TBC1D9B: variants seen among roughly 807,000 people sequenced by gnomAD.
The protein encoded by TBC1D9B is TBC1 domain family, member 9B (with GRAM domain).
In TBC1D9B, 87 loss-of-function variants were observed where a neutral mutation model predicts 121.1. The observed-to-expected ratio is 0.72, with a 90% CI of 0.60 to 0.86. TBC1D9B has a LOEUF of 0.86. Ranked by LOEUF, TBC1D9B falls within the 40% of genes least tolerant of loss-of-function variation. The pLI is 0.00. For missense variants in TBC1D9B, 1,540 were observed against 1,628.6 expected, an observed-to-expected ratio of 0.95 and a Z score of 0.94; for synonymous variants, 668 against 670.1, an observed-to-expected ratio of 1.00 and a Z score of 0.05.
At chr5:179,903,803 C>T (rs1761227366) in intron 2 of TBC1D9B, among the ~76,000 whole-genome samples, 2 of 152,242 alleles carry the variant, frequency 1.3e-5, no homozygotes, top group Non-Finnish European at 2.9e-5. Flanking sequence ...GCCAAGTCAT[C>T]AGCAACGAGC....
chr5:179,891,892 G>A lies in TBC1D9B; in HGVS notation c.837-306C>T, dbSNP rs975987092. ...CTGGGCAATGTGCAACCCATCCCTC[G>A]GTACTGATGGGCAAGCAGAGCCCAG... On this transcript the variant is annotated intron_variant, in intron 5 of 20. Coordinates refer to ENST00000355235, the MANE Select transcript of TBC1D9B (RefSeq NM_015043.4). The surrounding 1 kb of genome is among the most constrained non-coding windows in gnomAD (Gnocchi z 4.3). 6.6e-6 allele frequency among the ~76,000 whole-genome samples: 1 copy of A among 152,134 alleles called. No individual in the cohort carries two copies. Among genetic ancestry groups the A allele is most frequent in the African/African-American group, 2.4e-5 (1 of 41,434 alleles).
chr5:179,879,125 G>A lies in TBC1D9B; in HGVS notation c.1489C>T (p.Arg497Cys), dbSNP rs763335279. ...ACCAGTGCCCGCGTCTTGGCTGTGC[G>A]GTACATGCACACGCCACGCCCGTAC... ...FEYGRGVCMY[R>C]TAKTRALVLK... The change falls in exon 9 of 21, where the codon CGC becomes TGC. Residue 497 changes from arginine (R) to cysteine (C), a missense_variant. By Grantham distance (180) the Arg-to-Cys change is radical (BLOSUM62 -3). Transcript: ENST00000355235. 12 of 1,607,832 alleles carry A rather than the reference G, an allele frequency of 7.5e-6. No individual in the cohort carries two copies. The highest frequency in any genetic ancestry group is 6.7e-5 in the Admixed American group (4 of 59,920).
At chr5:179,894,943 G>A (rs1760979655) in intron 3 of TBC1D9B, among the ~76,000 whole-genome samples, 1 of 152,194 alleles carries the variant, frequency 6.6e-6, no homozygotes, top group Non-Finnish European at 1.5e-5. Context: ...GCTCACTGTA[G>A]CCTCAACCCA....
chr5:179,865,755 GGC>G lies in TBC1D9B; in HGVS notation c.2914+81_2914+82del. The G allele has an allele frequency of 8.2e-6, 12 of 1,461,074 alleles. No individual in the cohort carries two copies. Among genetic ancestry groups the G allele is most frequent in the Non-Finnish European group, 1.0e-5 (11 of 1,076,760 alleles). The allele number at this position is 1,461,074 out of a possible 1,614,324, so 90.5% of individuals were successfully genotyped here. On this transcript the variant is annotated intron_variant, in intron 19 of 20. Coordinates refer to ENST00000355235, the MANE Select transcript of TBC1D9B (RefSeq NM_015043.4). The surrounding 1 kb of genome is among the most constrained non-coding windows in gnomAD (Gnocchi z 5.1). ...CATCTCCCGGGGTAGGGGGCTCCCT[GGC>G]AGTGACTGGGGAAAAGACCAGCAAG...
At chr5:179,886,628 T>C (rs1057466229) in intron 7 of TBC1D9B, among the ~76,000 whole-genome samples, 106 of 152,336 alleles carry the variant, frequency 7.0e-4, no homozygotes, top group African/African-American at 2.5e-3. Context: ...GCAGACAATG[T>C]AAAGGTCTGC....
At chr5:179,903,366 AC>A (rs1761215635) in intron 2 of TBC1D9B, among the ~76,000 whole-genome samples, 1 of 152,222 alleles carries the variant, frequency 6.6e-6, no homozygotes, top group African/African-American at 2.4e-5. Flanking sequence ...AGCAAACTCA[AC>A]CCAGCAGGTA....
chr5:179,877,491 C>T (rs1258252395), intron 10 of TBC1D9B, among the ~76,000 whole-genome samples: 1 of 151,692 alleles, frequency 6.6e-6, no homozygotes, highest in Non-Finnish European at 1.5e-5. Flanking sequence ...GGCGAGACCC[C>T]GTCTCTACTA....
chr5:179,873,512 G>A (rs1026085039), intron 12 of TBC1D9B, among the ~76,000 whole-genome samples: 1 of 152,226 alleles, frequency 6.6e-6, no homozygotes, highest in African/African-American at 2.4e-5. Context: ...CAGTGGGGGG[G>A]TCCCTTGGGC....
intron 7 of TBC1D9B, chr5:179,884,640 A>C (rs1471059645): frequency 6.6e-6 from 1 of 152,258 alleles, no homozygotes; most frequent in Non-Finnish European, 1.5e-5. Context: ...ACAGTGAACA[A>C]AACGTGGCTT....
At chr5:179,866,162 A>C (rs1760001046) in intron 18 of TBC1D9B, 1 of 429,574 alleles carries the variant, frequency 2.3e-6, no homozygotes, top group African/African-American at 2.0e-5. Context: ...TACAAGTCTC[A>C]ACATGCTGGT....
intron 7 of TBC1D9B, among the ~76,000 whole-genome samples, chr5:179,883,577 A>G (rs1356968024): frequency 6.6e-6 from 1 of 151,068 alleles, no homozygotes; most frequent in African/African-American, 2.4e-5. Flanking sequence ...AACTCTCTTC[A>G]TATTTTTCTG....
intron 3 of TBC1D9B, among the ~76,000 whole-genome samples, chr5:179,897,315 T>A (rs1206864380): frequency 6.9e-6 from 1 of 145,122 alleles, no homozygotes; most frequent in Non-Finnish European, 1.5e-5. Flanking sequence ...CATTTTCTTT[T>A]CTTTTTTTTT....
rs529504265 is a variant in TBC1D9B, at chr5:179,875,192, G to A, written c.1901-5C>T. ...TGCCTTGGTCCACCAGGGCTCCTGCGGGCAGGATGAGCGAGGCTGATGGTG... is the reference window on the plus strand; with the variant it reads ...TGCCTTGGTCCACCAGGGCTCCTGCAGGCAGGATGAGCGAGGCTGATGGTG... On this transcript the variant is annotated splice_polypyrimidine_tract_variant and splice_region_variant and intron_variant, in intron 11 of 20. Transcript: ENST00000355235. This position sits in a 1 kb window ranked among gnomAD's most constrained non-coding sequence, Gnocchi z 4.5. 17 of 1,611,962 alleles carry A rather than the reference G, an allele frequency of 1.1e-5. No homozygotes were observed. The highest frequency in any genetic ancestry group is 4.5e-5 in the East Asian group (2 of 44,870).
intron 3 of TBC1D9B, among the ~76,000 whole-genome samples, chr5:179,897,316 CTTTTT>C (rs71001055): frequency 2.1e-5 from 3 of 141,450 alleles, no homozygotes; most frequent in African/African-American, 7.7e-5. Context: ...ATTTTCTTTT[CTTTTT>C]TTTTTTTTTG....
intron 5 of TBC1D9B, among the ~76,000 whole-genome samples, chr5:179,892,991 C>T (rs1409352452): frequency 6.6e-6 from 1 of 152,238 alleles, no homozygotes; most frequent in African/African-American, 2.4e-5. Flanking sequence ...GCTTCCTCCC[C>T]ATTAGTGGTA....
Position 179,876,009 on chromosome 5 carries a change from A to C in TBC1D9B, c.1811T>G (p.Leu604Arg). Residue 604 changes from leucine to arginine, a missense_variant, in exon 11 of 21, where the codon CTG becomes CGG. By Grantham distance (102) the Leu-to-Arg change is moderately radical. Coordinates refer to ENST00000355235, the MANE Select transcript of TBC1D9B (RefSeq NM_015043.4). ...GGCCTCCTCCTCACTGCCATAGAGC[A>C]GGAGCACCGAGGTCACGATGTTCAT... ...QAMNIVTSVL[L>R]LYGSEEEAFW... is the part of the protein sequence containing the mutation. The C allele has an allele frequency of 6.2e-7, 1 of 1,612,840 alleles. No homozygotes were observed. Among genetic ancestry groups the C allele is most frequent in the Non-Finnish European group, 8.5e-7 (1 of 1,179,620 alleles).
chr5:179,869,628 C>T, intron 17 of TBC1D9B, 141 bp downstream of exon 17: 1 of 904,300 alleles, frequency 1.1e-6, no homozygotes, highest in Non-Finnish European at 1.8e-6. Flanking sequence ...CTCCCGCTCC[C>T]TCTCCTCCAA....
intron 3 of TBC1D9B, among the ~76,000 whole-genome samples, chr5:179,898,122 C>G (rs1761066428): frequency 6.6e-6 from 1 of 151,194 alleles, no homozygotes; most frequent in Admixed American, 6.6e-5. Context: ...TTGAGACTAG[C>G]CTGGCCAACA....
chr5:179,865,791 C>G lies in TBC1D9B; in HGVS notation c.2914+47G>C. On this transcript the variant is annotated intron_variant, in intron 19 of 20. Transcript: ENST00000355235. This position sits in a 1 kb window ranked among gnomAD's most constrained non-coding sequence, Gnocchi z 5.1. Reference sequence around the variant, plus strand: ...GGGAAAAGACCAGCAAGCAAGGGTGCCTCAACGCTGGGGTCTCTAAGAACA... The same window carrying G: ...GGGAAAAGACCAGCAAGCAAGGGTGGCTCAACGCTGGGGTCTCTAAGAACA... 1 of 1,544,008 alleles carries G rather than the reference C, an allele frequency of 6.5e-7. No homozygotes were observed. The highest frequency in any genetic ancestry group is 8.7e-7 in the Non-Finnish European group (1 of 1,143,962).
Sources: gnomAD v4.1 joint callset for allele counts (sites outside exome capture counted in the v4.1 genomes callset) on GRCh38, gnomAD v4.1.1 for gene constraint, Gnocchi (gnomAD v3.1) non-coding constraint, MANE v1.5 for transcripts, NCBI Gene and HGNC (gene_info 2026-07-23, HGNC 2026-07-21) for gene names.